DLG2: variants seen among roughly 807,000 people sequenced by gnomAD.
DLG2 encodes the protein disks large homolog 2.
A neutral mutation model predicts 132.5 loss-of-function variants in DLG2; 45 were observed. The ratio of observed to expected loss-of-function variants is 0.34; its 90% CI spans 0.27 to 0.44. The LOEUF (loss-of-function observed/expected upper bound fraction) is 0.44, where lower values mean the gene tolerates loss of function less well. DLG2 is among the 20% of genes least tolerant of loss of function. The probability of loss-of-function intolerance (pLI) is 1.00; values close to 1 mark genes in which losing one functional copy is unlikely to be tolerated. For missense variants in DLG2, 1,045 were observed against 1,196.9 expected (o/e 0.87, Z 1.87); for synonymous variants, 424 against 419.6 (o/e 1.01, Z -0.13).
chr11:85,465,043 C>T (rs2092735229), intron 3 of DLG2, among the ~76,000 whole-genome samples: 1 of 116,236 alleles, frequency 8.6e-6, no homozygotes, highest in African/African-American at 3.4e-5. Flanking sequence ...CACTGTACTC[C>T]AGCACGGGCA....
At chr11:85,522,968 T>C (rs2074434480) in intron 3 of DLG2, among the ~76,000 whole-genome samples, 1 of 152,130 alleles carries the variant, frequency 6.6e-6, no homozygotes, top group Admixed American at 6.5e-5. Context: ...CAAGATTGTG[T>C]TTTGAAGTGT....
At chr11:85,405,291 T>C (rs2088616265) in intron 3 of DLG2, among the ~76,000 whole-genome samples, 1 of 152,028 alleles carries the variant, frequency 6.6e-6, no homozygotes. Flanking sequence ...AGATATAGTC[T>C]CTAAGGAATA....
At chr11:84,952,142 G>A (rs981244707) in intron 6 of DLG2, among the ~76,000 whole-genome samples, 1 of 152,120 alleles carries the variant, frequency 6.6e-6, no homozygotes, top group Admixed American at 6.5e-5. Flanking sequence ...CTTCCTGATT[G>A]TACTTTGTAT....
chr11:84,812,231 A>G (rs1467196389), intron 6 of DLG2, among the ~76,000 whole-genome samples: 1 of 152,192 alleles, frequency 6.6e-6, no homozygotes, highest in Non-Finnish European at 1.5e-5. Flanking sequence ...TGTTGAGAAG[A>G]AGAGGCTTAA....
intron 4 of DLG2, among the ~76,000 whole-genome samples, chr11:85,245,070 A>AATTC (rs958712534): frequency 5.9e-5 from 9 of 151,934 alleles, no homozygotes; most frequent in Non-Finnish European, 4.4e-5. Context: ...TAAATTAATA[A>AATTC]ATTCATTCAT....
chr11:84,619,737 C>T (rs11820033), intron 6 of DLG2, among the ~76,000 whole-genome samples: 8,902 of 151,178 alleles, frequency 0.059, 296 homozygotes, highest in South Asian at 0.075. Flanking sequence ...GAAAGTTTTT[C>T]AAAATTAATG....
At chr11:84,482,877 A>G (rs2099141422) in intron 7 of DLG2, among the ~76,000 whole-genome samples, 1 of 152,222 alleles carries the variant, frequency 6.6e-6, no homozygotes, top group Non-Finnish European at 1.5e-5. Context: ...ATGGGTAACA[A>G]AAAATTAAAT....
chr11:84,118,374 C>T (rs2093739518), intron 9 of DLG2, among the ~76,000 whole-genome samples: 1 of 152,120 alleles, frequency 6.6e-6, no homozygotes, highest in Non-Finnish European at 1.5e-5. Flanking sequence ...CCTTAATTCC[C>T]TAATCACAGG....
intron 6 of DLG2, among the ~76,000 whole-genome samples, chr11:84,684,813 T>C (rs2099736621): frequency 6.6e-6 from 1 of 152,246 alleles, no homozygotes; most frequent in Admixed American, 6.5e-5. Flanking sequence ...TACTGCAATC[T>C]AATAACTCAT....
intron 3 of DLG2, among the ~76,000 whole-genome samples, chr11:85,405,847 G>A (rs187341055): frequency 1.2e-4 from 18 of 152,028 alleles, no homozygotes; most frequent in Admixed American, 9.2e-4. Context: ...CCAACTGATT[G>A]AAAATTATGT....
At chr11:85,137,718 C>T (rs1019498801) in intron 5 of DLG2, among the ~76,000 whole-genome samples, 1 of 152,126 alleles carries the variant, frequency 6.6e-6, no homozygotes, top group Admixed American at 6.6e-5. Context: ...AAGGAAATAA[C>T]AAGAAATCCA....
intron 6 of DLG2, among the ~76,000 whole-genome samples, chr11:84,749,321 T>C (rs2065801431): frequency 6.6e-6 from 1 of 152,188 alleles, no homozygotes; most frequent in Non-Finnish European, 1.5e-5. Context: ...TGATTATAAC[T>C]GACATCTAGA....
At chr11:84,801,068 A>T (rs1434253655) in intron 6 of DLG2, among the ~76,000 whole-genome samples, 1 of 152,148 alleles carries the variant, frequency 6.6e-6, no homozygotes, top group Non-Finnish European at 1.5e-5. Flanking sequence ...ACCAAGCATG[A>T]GGCCAGGAAT....
chr11:83,776,258 C>T (rs1354356477), intron 18 of DLG2, among the ~76,000 whole-genome samples: 1 of 152,008 alleles, frequency 6.6e-6, no homozygotes, highest in Non-Finnish European at 1.5e-5. Context: ...TTGGTTTTAT[C>T]ACCTACATCC....
At chr11:85,477,290 C>T (rs116953421) in intron 3 of DLG2, among the ~76,000 whole-genome samples, 2,746 of 152,190 alleles carry the variant, frequency 0.018, 50 homozygotes, top group Admixed American at 0.035. Flanking sequence ...ACCAACACCT[C>T]GTATGTATAC....
At chr11:84,113,519 T>TTTGAATTTTGC (rs1671269339) in intron 9 of DLG2, among the ~76,000 whole-genome samples, 1 of 152,184 alleles carries the variant, frequency 6.6e-6, no homozygotes, top group South Asian at 2.1e-4. Context: ...AATAGCAAAA[T>TTTGAATTTTGC]TTGAATTTTC....
chr11:83,576,965 G>C, intron 19 of DLG2, among the ~76,000 whole-genome samples: 1 of 152,180 alleles, frequency 6.6e-6, no homozygotes. Flanking sequence ...TGGATTGAAG[G>C]ATACAAAGTA....
At chr11:84,210,634 T>G (rs1584855) in intron 8 of DLG2, among the ~76,000 whole-genome samples, 123,419 of 151,688 alleles carry the variant, frequency 0.81, 50,899 homozygotes, top group Middle Eastern at 0.92. Flanking sequence ...AACAAATTAT[T>G]GTATGTTTAA....
intron 6 of DLG2, among the ~76,000 whole-genome samples, chr11:85,022,222 G>A (rs1330560711): frequency 2.0e-5 from 3 of 151,704 alleles, no homozygotes; most frequent in Non-Finnish European, 2.9e-5. Flanking sequence ...TAGAAAAAAT[G>A]CAATCAGAAT....
Sources: gnomAD v4.1 joint callset for allele counts (sites outside exome capture counted in the v4.1 genomes callset) on GRCh38, gnomAD v4.1.1 for gene constraint, MANE v1.5 for transcripts, NCBI Gene and HGNC (gene_info 2026-07-23, HGNC 2026-07-21) for gene names.